HOXA3: variants seen among roughly 807,000 people sequenced by gnomAD.
HOXA3 encodes homeobox protein Hox-A3.
In HOXA3, 8 loss-of-function variants were observed where a neutral mutation model predicts 30.3. The observed-to-expected ratio is 0.26, with a 90% CI of 0.15 to 0.48. The LOEUF is 0.48. Among genes scored for constraint, HOXA3 ranks in the 20% least tolerant of loss-of-function variants. The pLI is 0.99. For synonymous variants in HOXA3, 323 were observed against 273.1 expected (o/e 1.18, Z -1.80); for missense variants, 653 against 614.4 (o/e 1.06, Z -0.66).
At chr7:27,132,401 T>C in intron 2 of HOXA3, among the ~76,000 whole-genome samples, 1 of 152,244 alleles carries the variant, frequency 6.6e-6, no homozygotes, top group East Asian at 1.9e-4. Flanking sequence ...ATATATCCAT[T>C]TGATGGATAG....
Position 27,110,651 on chromosome 7 carries a change from C to G in HOXA3, c.-11G>C, listed in dbSNP as rs1186551557. 6.3e-7 allele frequency: 1 copy of G among 1,599,410 alleles called. No individual in the cohort carries two copies. ...GGTCGCTTTTTGCATCGCGTTGTTT[C>G]ACGATCTTGATCGCACACTCTGACA... On this transcript the variant is annotated 5_prime_UTR_variant, in exon 5 of 6. Coordinates refer to ENST00000612286, the MANE Select transcript of HOXA3 (RefSeq NM_153631.3).
At position 27,110,732 on chromosome 7, in the gene HOXA3, T is replaced by C; in HGVS notation, c.-92A>G. ...GCACGCCCCCGCGGTCACGTGACAC[T>C]CCGCCGCCAATGGCCGCCCCGCGCA... On this transcript the variant is annotated 5_prime_UTR_variant, in exon 5 of 6. Coordinates refer to ENST00000612286, the MANE Select transcript of HOXA3 (RefSeq NM_153631.3). The C allele has an allele frequency of 6.4e-7, 1 of 1,565,684 alleles. No individual in the cohort carries two copies. The highest frequency in any genetic ancestry group is 8.7e-7 in the Non-Finnish European group (1 of 1,150,058).
At chr7:27,139,886 A>G (rs1307847462) in intron 2 of HOXA3, among the ~76,000 whole-genome samples, 197 bp downstream of exon 2, 3 of 152,178 alleles carry the variant, frequency 2.0e-5, no homozygotes, top group African/African-American at 7.2e-5. Context: ...CGGCGCGGCC[A>G]CAGGCGCTGC....
At chr7:27,151,393 G>C (rs1399653445) in intron 1 of HOXA3, 1 of 339,074 alleles carries the variant, frequency 2.9e-6, no homozygotes, top group Non-Finnish European at 5.9e-6. Context: ...TGGGGAGTGC[G>C]GTCGCCAGTC....
chr7:27,138,402 A>G (rs536822680), intron 2 of HOXA3, among the ~76,000 whole-genome samples: 11 of 152,344 alleles, frequency 7.2e-5, no homozygotes, highest in African/African-American at 2.6e-4. Context: ...TTCCAAATCT[A>G]TACTTTCAAT....
chr7:27,116,257 G>C (rs1037352932), intron 4 of HOXA3: 1 of 152,686 alleles, frequency 6.5e-6, no homozygotes, highest in Non-Finnish European at 1.5e-5. Flanking sequence ...GGTGCCCGTG[G>C]TGTCTTTCTA....
chr7:27,145,058 A>T (rs1290745707), intron 1 of HOXA3, among the ~76,000 whole-genome samples: 1 of 152,134 alleles, frequency 6.6e-6, no homozygotes, highest in African/African-American at 2.4e-5. Context: ...CGCGGGACCG[A>T]GAGACTGGGC....
Position 27,108,363 on chromosome 7 carries a change from G to A in HOXA3, c.884C>T (p.Pro295Leu), listed in dbSNP as rs1247697345. 3 of 1,546,314 alleles carry A rather than the reference G, an allele frequency of 1.9e-6. No individual in the cohort carries two copies. Among genetic ancestry groups the A allele is most frequent in the Admixed American group, 1.7e-5 (1 of 57,636 alleles). ...NSVPYEPQSPPPFSKPPQGTY... is the reference protein window; with the variant it reads ...NSVPYEPQSPLPFSKPPQGTY... ...ACCCTGGGGGGGCTTGGAGAAGGGCGGGGGCGACTGGGGCTCATACGGGAC... is the reference window on the plus strand; with the variant it reads ...ACCCTGGGGGGGCTTGGAGAAGGGCAGGGGCGACTGGGGCTCATACGGGAC... The change falls in exon 6 of 6, where the codon CCG becomes CTG. Residue 295 changes from proline (P) to leucine (L), a missense_variant. Pro to Leu is a moderately conservative substitution (Grantham distance 98). This residue lies in a region of HOXA3 where 330 missense variants were observed against 274.4 expected (regional missense o/e 1.20). Coordinates refer to ENST00000612286, the MANE Select transcript of HOXA3 (RefSeq NM_153631.3). This position sits in a 1 kb window ranked among gnomAD's most constrained non-coding sequence, Gnocchi z 5.0.
Position 27,152,288 on chromosome 7 carries a change from C to T in HOXA3, c.-494G>A, listed in dbSNP as rs1360955919. The T allele has an allele frequency of 7.8e-7, 1 of 1,279,634 alleles. No homozygotes were observed. 79.3% of individuals were successfully genotyped at this position (1,279,634 alleles called of 1,614,324 possible). A position where few individuals can be genotyped will look rare whatever the true frequency, so the allele number is the denominator to read the frequency against. Reference sequence around the variant, plus strand: ...CCTATCTCCTCCCCACATGTCTCACCTTCAGACGGTGGCTCCCAGAAGCTC... The same window carrying T: ...CCTATCTCCTCCCCACATGTCTCACTTTCAGACGGTGGCTCCCAGAAGCTC... On this transcript the variant is annotated splice_region_variant and 5_prime_UTR_variant, in exon 1 of 6. Transcript: ENST00000612286.
intron 4 of HOXA3, among the ~76,000 whole-genome samples, chr7:27,114,832 ATATT>A (rs1784598917): frequency 1.1e-5 from 1 of 91,938 alleles, no homozygotes; most frequent in Non-Finnish European, 2.2e-5. Flanking sequence ...TATATAATAT[ATATT>A]ATATATATAA....
At chr7:27,139,333 AC>A (rs1260614519) in intron 2 of HOXA3, among the ~76,000 whole-genome samples, 4 of 151,732 alleles carry the variant, frequency 2.6e-5, no homozygotes, top group Non-Finnish European at 4.4e-5. Flanking sequence ...GGTCCTGAAC[AC>A]CCCCCCACAC....
chr7:27,140,524 A>G (rs1005782189), intron 1 of HOXA3: 2 of 152,232 alleles, frequency 1.3e-5, no homozygotes, highest in African/African-American at 2.4e-5. Context: ...GAGTTTCCCA[A>G]TCGAGCTAGG....
chr7:27,130,891 A>T, intron 2 of HOXA3: 1 of 690,002 alleles, frequency 1.4e-6, no homozygotes, highest in Non-Finnish European at 2.4e-6. Flanking sequence ...CCTCCCGCAG[A>T]CGCCGCCACC....
intron 4 of HOXA3, among the ~76,000 whole-genome samples, chr7:27,118,234 A>G (rs1431724822): frequency 1.3e-5 from 2 of 152,150 alleles, no homozygotes; most frequent in African/African-American, 4.8e-5. Flanking sequence ...GAAAACTGCA[A>G]TCGGCTCAGA....
At chr7:27,128,463 T>A (rs1785376515) in intron 2 of HOXA3, 1 of 152,296 alleles carries the variant, frequency 6.6e-6, no homozygotes, top group South Asian at 2.1e-4. Context: ...AGTATCTCAA[T>A]CCAGAGGACT....
At chr7:27,139,531 AC>A in intron 2 of HOXA3, among the ~76,000 whole-genome samples, 1 of 152,126 alleles carries the variant, frequency 6.6e-6, no homozygotes, top group South Asian at 2.1e-4. Context: ...CTGCCAAATG[AC>A]CCCGGCCCGC....
At chr7:27,142,991 G>A (rs1359852331) in intron 1 of HOXA3, 6 of 1,436,662 alleles carry the variant, frequency 4.2e-6, no homozygotes, top group East Asian at 4.9e-5. Context: ...AAGAGAGGGG[G>A]GACCGAGAGC....
intron 1 of HOXA3, among the ~76,000 whole-genome samples, chr7:27,144,646 G>A (rs1329817817): frequency 6.6e-6 from 1 of 152,212 alleles, no homozygotes; most frequent in Non-Finnish European, 1.5e-5. Context: ...CTGGGGATCC[G>A]TGGGGCGGGT....
intron 1 of HOXA3, chr7:27,143,230 G>A: frequency 6.2e-7 from 1 of 1,609,414 alleles, no homozygotes; most frequent in East Asian, 2.2e-5. Flanking sequence ...CCGAGGCGCC[G>A]CTGGAGTTGC....
Sources: gnomAD v4.1 joint callset for allele counts (sites outside exome capture counted in the v4.1 genomes callset) on GRCh38, gnomAD v4.1.1 for gene constraint, gnomAD v4.1.1 regional missense constraint, Gnocchi (gnomAD v3.1) non-coding constraint, MANE v1.5 for transcripts, NCBI Gene and HGNC (gene_info 2026-07-23, HGNC 2026-07-21) for gene names.